The following PCGF5 variants were observed in gnomAD, a reference collection of about 807,000 sequenced individuals.
PCGF5 encodes polycomb group ring finger 5, also known as polycomb group RING finger protein 5.
In PCGF5, 9 loss-of-function variants were observed where a neutral mutation model predicts 44.3. The ratio of observed to expected loss-of-function variants is 0.20; its 90% CI spans 0.12 to 0.35. The LOEUF (loss-of-function observed/expected upper bound fraction) is 0.35, where lower values mean the gene tolerates loss of function less well. Among genes scored for constraint, PCGF5 ranks in the 10% least tolerant of loss-of-function variants. The probability of loss-of-function intolerance (pLI) is 1.00; values close to 1 mark genes in which losing one functional copy is unlikely to be tolerated. For synonymous variants in PCGF5, 95 were observed against 102.5 expected (o/e 0.93, Z 0.44); for missense variants, 146 against 305.3 (o/e 0.48, Z 3.89).
upstream of PCGF5, chr10:91,220,292 T>G (rs1383649565): frequency 6.6e-6 from 1 of 152,154 alleles, no homozygotes; most frequent in Non-Finnish European, 1.5e-5. Flanking sequence ...TGGGACAGAC[T>G]TGGGGAAGAC....
rs376056221 is a variant in PCGF5 at position 91,164,825 on chromosome 10, CATA to C, written c.-184+1748_-184+1750del. On this transcript the variant is annotated intron_variant, in intron 1 of 9. Coordinates refer to the PCGF5 transcript ENST00000614189. ...CTGTCCCCTCCCCCAGGAGCCACCC[CATA>C]ATACTATTTTATTTTCTTCACTGCG... Among the ~76,000 whole-genome samples, 225 of 152,330 alleles carry C rather than the reference CATA, an allele frequency of 1.5e-3. 1 individual carries two copies. Among genetic ancestry groups the C allele is most frequent in the African/African-American group, 5.0e-3 (208 of 41,570 alleles).
At chr10:91,249,728 G>T (rs1206682733) in intron 5 of PCGF5, among the ~76,000 whole-genome samples, 1 of 151,780 alleles carries the variant, frequency 6.6e-6, no homozygotes, top group Non-Finnish European at 1.5e-5. Flanking sequence ...GGAAGTTTGA[G>T]AATAGTTTTG....
chr10:91,240,662 C>T, intron 3 of PCGF5, 82 bp downstream of exon 3: 1 of 849,244 alleles, frequency 1.2e-6, no homozygotes, highest in Non-Finnish European at 1.9e-6. Flanking sequence ...CATAATATTT[C>T]ATGTTGTCTT....
In PCGF5 at chr10:91,283,432, G is replaced by A. The variant is rs765321327; in HGVS notation, c.*5116G>A. 3.3e-5 allele frequency: 5 copies of A among 152,140 alleles called. No individual in the cohort carries two copies. The highest frequency in any genetic ancestry group is 7.3e-5 in the Non-Finnish European group (5 of 68,028). The allele number at this position is 152,140 out of a possible 1,614,324, so 9.4% of individuals were successfully genotyped here. A position where few individuals can be genotyped will look rare whatever the true frequency, so the allele number is the denominator to read the frequency against. On this transcript the variant is annotated 3_prime_UTR_variant, in exon 10 of 10. Transcript: ENST00000336126. Reference sequence around the variant, plus strand: ...GTGAAACAGATATGTTAAATACTGAGTCTAGTTTTCTTCCATCTTATGGAG... The same window carrying A: ...GTGAAACAGATATGTTAAATACTGAATCTAGTTTTCTTCCATCTTATGGAG...
At position 91,271,637 on chromosome 10, in the gene PCGF5, G is replaced by GT; in HGVS notation, c.666dup (p.Arg223SerfsTer32). ...ATCTGATGAGTTCATCTCCTCCGCA[G>GT]TTTCGGTGTCTGAACTGCTCAGCTT... is the stretch of plus-strand genomic sequence containing the variant. On this transcript the variant is annotated frameshift_variant and splice_region_variant. Coordinates refer to ENST00000336126, the MANE Select transcript of PCGF5 (RefSeq NM_032373.5). LOFTEE classifies it high-confidence loss of function. 6.2e-7 allele frequency: 1 copy of GT among 1,613,712 alleles called. No homozygotes were observed. The highest frequency in any genetic ancestry group is 8.5e-7 in the Non-Finnish European group (1 of 1,179,734).
chr10:91,172,350 C>T (rs1262735647), intron 1 of PCGF5, among the ~76,000 whole-genome samples: 2 of 151,752 alleles, frequency 1.3e-5, no homozygotes, highest in African/African-American at 4.9e-5. Flanking sequence ...ACCCAGGAGG[C>T]GGAGGTTGTA....
intron 1 of PCGF5, among the ~76,000 whole-genome samples, chr10:91,163,689 G>T (rs1319618317): frequency 6.6e-6 from 1 of 152,112 alleles, no homozygotes; most frequent in African/African-American, 2.4e-5. Context: ...AGATGTCACG[G>T]AGAGGAAAGG....
At position 91,255,879 on chromosome 10, in the gene PCGF5, G is replaced by GT. The variant is rs1845737824; in HGVS notation, c.474+4440dup. Among the ~76,000 whole-genome samples the GT allele has an allele frequency of 5.3e-5, 8 of 152,134 alleles. No individual in the cohort carries two copies. In the South Asian group the frequency reaches 1.5e-3, roughly 28 times the overall value. On this transcript the variant is annotated intron_variant, in intron 6 of 9. Coordinates refer to ENST00000336126, the MANE Select transcript of PCGF5 (RefSeq NM_032373.5). ...ATATAAAATGGTGTAGTATTTGCAC[G>GT]TAACGTATGCACAACCTGCTATATA...
At chr10:91,187,697 T>G (rs995938535) in intron 1 of PCGF5, among the ~76,000 whole-genome samples, 2 of 152,204 alleles carry the variant, frequency 1.3e-5, no homozygotes, top group African/African-American at 4.8e-5. Flanking sequence ...GCTTCATGTT[T>G]TCTTCAAAGA....
At chr10:91,271,964 T>C (rs1159693496) in intron 9 of PCGF5, among the ~76,000 whole-genome samples, 1 of 152,254 alleles carries the variant, frequency 6.6e-6, no homozygotes, top group African/African-American at 2.4e-5. Context: ...CTTTCAGTCC[T>C]TGAGAAATCT....
chr10:91,218,777 C>T (rs972772875), upstream of PCGF5, among the ~76,000 whole-genome samples: 6 of 152,028 alleles, frequency 3.9e-5, no homozygotes, highest in South Asian at 4.2e-4. Context: ...GGACTACAGG[C>T]GCATGTCACC....
upstream of PCGF5, chr10:91,220,382 C>G (rs1390615600): frequency 6.6e-6 from 1 of 152,242 alleles, no homozygotes; most frequent in African/African-American, 2.4e-5. Context: ...GAAAATATGC[C>G]AGTCATTGTT....
intron 1 of PCGF5, among the ~76,000 whole-genome samples, chr10:91,185,707 C>T (rs769951256): frequency 1.3e-5 from 2 of 152,194 alleles, no homozygotes; most frequent in African/African-American, 4.8e-5. Flanking sequence ...ACTGAAGGCC[C>T]TAGTGGAGTG....
At chr10:91,221,943 G>C (rs1844692405) in intron 1 of PCGF5, among the ~76,000 whole-genome samples, 1 of 152,186 alleles carries the variant, frequency 6.6e-6, no homozygotes, top group African/African-American at 2.4e-5. Flanking sequence ...GGGCTTGAAG[G>C]ATAGGTGGCA....
intron 6 of PCGF5, among the ~76,000 whole-genome samples, chr10:91,257,855 G>C (rs898541287): frequency 2.6e-5 from 4 of 152,052 alleles, no homozygotes; most frequent in African/African-American, 9.7e-5. Flanking sequence ...TCTTGTATAT[G>C]TATATTCATA....
intron 9 of PCGF5, among the ~76,000 whole-genome samples, chr10:91,275,215 C>A (rs1846276399): frequency 6.6e-6 from 1 of 150,958 alleles, no homozygotes; most frequent in Non-Finnish European, 1.5e-5. Context: ...TAAAAATGAG[C>A]AAAGGACATG....
At chr10:91,258,006 T>C (rs1162607616) in intron 6 of PCGF5, among the ~76,000 whole-genome samples, 1 of 152,112 alleles carries the variant, frequency 6.6e-6, no homozygotes, top group East Asian at 1.9e-4. Context: ...ACAAAATAGA[T>C]GAATCTTGAA....
intron 1 of PCGF5, among the ~76,000 whole-genome samples, chr10:91,189,328 A>G (rs1332376554): frequency 2.0e-5 from 3 of 152,122 alleles, no homozygotes. Flanking sequence ...GTTCATACCT[A>G]TCTCCACTAG....
chr10:91,220,034 G>A (rs1844625124), upstream of PCGF5: 1 of 152,140 alleles, frequency 6.6e-6, no homozygotes, highest in African/African-American at 2.4e-5. Context: ...TTTTTGCAGT[G>A]AATGGTCTCT....
Sources: gnomAD v4.1 joint callset for allele counts (sites outside exome capture counted in the v4.1 genomes callset) on GRCh38, gnomAD v4.1.1 for gene constraint, MANE v1.5 for transcripts, NCBI Gene and HGNC (gene_info 2026-07-23, HGNC 2026-07-21) for gene names.